MGAT4C: variants seen among roughly 807,000 people sequenced by gnomAD.
The protein encoded by MGAT4C is MGAT4 family member C, also known as alpha-1,3-mannosyl-glycoprotein 4-beta-N-acetylglucosaminyltransferase C.
Under a neutral mutation model 40.1 loss-of-function variants are expected in MGAT4C, and 19 were observed. The observed-to-expected ratio is 0.47, with a 90% CI of 0.33 to 0.70. MGAT4C has a LOEUF of 0.70. Among genes scored for constraint, MGAT4C ranks in the 30% least tolerant of loss-of-function variants. MGAT4C has a pLI of 0.02. For synonymous variants in MGAT4C, 181 were observed against 187.1 expected, an observed-to-expected ratio of 0.97 and a Z score of 0.27; for missense variants, 491 against 563.2, an observed-to-expected ratio of 0.87 and a Z score of 1.30.
intron 2 of MGAT4C, among the ~76,000 whole-genome samples, chr12:86,436,467 G>A (rs773177459): frequency 2.0e-5 from 3 of 151,516 alleles, no homozygotes; most frequent in African/African-American, 4.8e-5. Context: ...TTAATAGTTT[G>A]TATCAGTTAA....
chr12:86,552,795 T>C (rs979155140), intron 2 of MGAT4C, among the ~76,000 whole-genome samples: 11 of 152,286 alleles, frequency 7.2e-5, no homozygotes, highest in Non-Finnish European at 1.3e-4. Flanking sequence ...CAGTAACTCT[T>C]GTGAAGTAAA....
chr12:86,442,789 A>G (rs1484568479), intron 2 of MGAT4C, among the ~76,000 whole-genome samples: 1 of 144,424 alleles, frequency 6.9e-6, no homozygotes, highest in African/African-American at 2.5e-5. Flanking sequence ...AAAAAAAAGG[A>G]ATCAGTCAAT....
At chr12:85,990,502 G>A (rs1295713351) in intron 2 of MGAT4C, among the ~76,000 whole-genome samples, 1 of 152,064 alleles carries the variant, frequency 6.6e-6, no homozygotes, top group African/African-American at 2.4e-5. Flanking sequence ...TATGTGTAAG[G>A]GAGACTTTAG....
intron 3 of MGAT4C, among the ~76,000 whole-genome samples, chr12:86,349,059 T>C (rs1566309702): frequency 6.6e-6 from 1 of 152,160 alleles, no homozygotes; most frequent in African/African-American, 2.4e-5. Context: ...ACAGCTCAAT[T>C]TAATTTTCTT....
chr12:86,770,573 A>G (rs1469099039), intron 1 of MGAT4C, among the ~76,000 whole-genome samples: 1 of 152,100 alleles, frequency 6.6e-6, no homozygotes, highest in Non-Finnish European at 1.5e-5. Context: ...GACAATTTAA[A>G]AATAATTGTT....
chr12:86,516,724 TAA>T lies in MGAT4C; in HGVS notation c.-228-81461_-228-81460del, dbSNP rs149737934. On this transcript the variant is annotated intron_variant, in intron 2 of 7. Transcript: ENST00000548651. Reference sequence around the variant, plus strand: ...AAATGTTTGCAAATCCTGTATCTGTTAAAAGACTTATATAAACAACTGCTGCA... The same window carrying T: ...AAATGTTTGCAAATCCTGTATCTGTTAAGACTTATATAAACAACTGCTGCA... Among the ~76,000 whole-genome samples the T allele has an allele frequency of 2.3e-3, 352 of 152,288 alleles. 4 individuals carry two copies. The highest frequency in any genetic ancestry group is 8.1e-3 in the African/African-American group (338 of 41,568).
At chr12:86,028,576 T>C (rs1890455837) in intron 2 of MGAT4C, among the ~76,000 whole-genome samples, 1 of 151,964 alleles carries the variant, frequency 6.6e-6, no homozygotes, top group Non-Finnish European at 1.5e-5. Flanking sequence ...CTAACAGTTT[T>C]GATTAAAATT....
At chr12:86,709,474 A>T (rs961631407) in intron 2 of MGAT4C, among the ~76,000 whole-genome samples, 2 of 152,188 alleles carry the variant, frequency 1.3e-5, no homozygotes, top group African/African-American at 4.8e-5. Flanking sequence ...TTAGACTCAA[A>T]GTATTAGAAA....
At chr12:86,150,008 C>G (rs964510435) in intron 1 of MGAT4C, among the ~76,000 whole-genome samples, 1 of 152,068 alleles carries the variant, frequency 6.6e-6, no homozygotes, top group African/African-American at 2.4e-5. Context: ...CACCAGGGAC[C>G]GGTTTCATGG....
In MGAT4C at chr12:86,626,887, A is replaced by C. The variant is rs146269027; in HGVS notation, c.-229+100322T>G. ...ACTGGTTGGACAGTGGGTGCAACCCACAGAGGGTGAGCCAAAGCAGGGTGG... is the reference window on the plus strand; with the variant it reads ...ACTGGTTGGACAGTGGGTGCAACCCCCAGAGGGTGAGCCAAAGCAGGGTGG... On this transcript the variant is annotated intron_variant, in intron 2 of 7. Coordinates refer to the MGAT4C transcript ENST00000548651. 3.0e-3 allele frequency among the ~76,000 whole-genome samples: 462 copies of C among 152,326 alleles called. 2 individuals carry two copies. The highest frequency in any genetic ancestry group is 0.011 in the African/African-American group (441 of 41,588).
intron 1 of MGAT4C, among the ~76,000 whole-genome samples, chr12:86,180,284 G>C (rs907217199): frequency 1.1e-4 from 16 of 152,370 alleles, no homozygotes; most frequent in African/African-American, 3.6e-4. Context: ...CCAGGCAAAA[G>C]TTTTCTGCAG....
intron 1 of MGAT4C, among the ~76,000 whole-genome samples, chr12:86,233,717 A>G (rs1443799278): frequency 1.3e-5 from 2 of 152,176 alleles, no homozygotes; most frequent in Non-Finnish European, 2.9e-5. Flanking sequence ...GCATTTAAAA[A>G]ATTTCATAAT....
At chr12:86,199,377 A>G (rs1287180428) in intron 1 of MGAT4C, among the ~76,000 whole-genome samples, 1 of 61,400 alleles carries the variant, frequency 1.6e-5, no homozygotes, top group East Asian at 4.0e-4. Flanking sequence ...GGGACAGTTT[A>G]GGGGAAAAAG....
chr12:86,487,375 G>A (rs1958038005), intron 2 of MGAT4C, among the ~76,000 whole-genome samples: 1 of 152,154 alleles, frequency 6.6e-6, no homozygotes, highest in South Asian at 2.1e-4. Context: ...TCCAAAAGGT[G>A]ACTTTGCAGA....
At chr12:86,703,047 G>T (rs1014316761) in intron 2 of MGAT4C, among the ~76,000 whole-genome samples, 1 of 152,122 alleles carries the variant, frequency 6.6e-6, no homozygotes, top group African/African-American at 2.4e-5. Context: ...CTTTCAAGTC[G>T]GCAGTGGAGG....
chr12:85,957,479 G>A lies in MGAT4C; in HGVS notation c.*21810C>T, dbSNP rs1321015355. The A allele has an allele frequency of 6.6e-6, 1 of 152,070 alleles. No individual in the cohort carries two copies. Among genetic ancestry groups the A allele is most frequent in the Non-Finnish European group, 1.5e-5 (1 of 68,006 alleles). 9.4% of individuals were successfully genotyped at this position (152,070 alleles called of 1,614,324 possible). A position where few individuals can be genotyped will look rare whatever the true frequency, so the allele number is the denominator to read the frequency against. ...CTAGAAGGAAATTAATGGTTTGGGAGGTTGAGCAACAGACTTTGAGAGTTA... is the reference window on the plus strand; with the variant it reads ...CTAGAAGGAAATTAATGGTTTGGGAAGTTGAGCAACAGACTTTGAGAGTTA... On this transcript the variant is annotated 3_prime_UTR_variant, in exon 5 of 5. Transcript: ENST00000611864.
At chr12:86,706,453 C>T (rs1424112293) in intron 2 of MGAT4C, among the ~76,000 whole-genome samples, 1 of 150,920 alleles carries the variant, frequency 6.6e-6, no homozygotes, top group African/African-American at 2.4e-5. Flanking sequence ...GGGATAGGGT[C>T]TCTCTATTTT....
At chr12:86,262,612 C>G (rs2471570) in intron 4 of MGAT4C, among the ~76,000 whole-genome samples, 97,633 of 151,872 alleles carry the variant, frequency 0.64, 32,294 homozygotes, top group South Asian at 0.77. Context: ...ATTCTGTCTG[C>G]TTTTGCTTAC....
intron 1 of MGAT4C, among the ~76,000 whole-genome samples, chr12:86,243,611 A>G (rs1951882690): frequency 6.6e-6 from 1 of 152,184 alleles, no homozygotes; most frequent in Non-Finnish European, 1.5e-5. Context: ...GCCTCCTGGC[A>G]AGGAACTAAG....
Sources: gnomAD v4.1 joint callset for allele counts (sites outside exome capture counted in the v4.1 genomes callset) on GRCh38, gnomAD v4.1.1 for gene constraint, MANE v1.5 for transcripts, NCBI Gene and HGNC (gene_info 2026-07-23, HGNC 2026-07-21) for gene names.